The following EYS variants were observed in gnomAD, a reference collection of about 807,000 sequenced individuals.
The protein encoded by EYS is protein eyes shut homolog.
A neutral mutation model predicts 282.1 loss-of-function variants in EYS; 250 were observed. The observed-to-expected ratio is 0.89, with a 90% CI of 0.80 to 0.98. EYS has a LOEUF of 0.98. Among genes scored for constraint, EYS ranks in the 50% least tolerant of loss-of-function variants. The probability of loss-of-function intolerance (pLI) is 0.00; values close to 1 mark genes in which losing one functional copy is unlikely to be tolerated. For missense variants in EYS, 4,016 were observed against 3,709.0 expected (o/e 1.08, Z -2.15); for synonymous variants, 1,355 against 1,282.9 (o/e 1.06, Z -1.20).
At chr6:63,874,062 C>G (rs949216837) in intron 35 of EYS, among the ~76,000 whole-genome samples, 1 of 152,114 alleles carries the variant, frequency 6.6e-6, no homozygotes, top group Admixed American at 6.6e-5. Context: ...GTCATGAAGT[C>G]CTTGCCCATG....
chr6:64,792,362 C>A (rs1264187712), intron 22 of EYS, among the ~76,000 whole-genome samples: 2 of 151,788 alleles, frequency 1.3e-5, no homozygotes, highest in Non-Finnish European at 2.9e-5. Context: ...TTTTTTTAGA[C>A]ATTTATAAAT....
intron 26 of EYS, among the ~76,000 whole-genome samples, chr6:64,573,835 A>C (rs1765799601): frequency 6.6e-6 from 1 of 152,178 alleles, no homozygotes; most frequent in South Asian, 2.1e-4. Flanking sequence ...GTGGGCGTGT[A>C]AATTAGTTCA....
intron 26 of EYS, among the ~76,000 whole-genome samples, chr6:64,453,851 C>T (rs1024689484): frequency 6.6e-6 from 1 of 152,004 alleles, no homozygotes; most frequent in South Asian, 2.1e-4. Flanking sequence ...ACACCGGGGA[C>T]TGTTGTGGCG....
intron 31 of EYS, among the ~76,000 whole-genome samples, chr6:64,178,440 G>A (rs1212977153): frequency 6.6e-6 from 1 of 152,034 alleles, no homozygotes; most frequent in East Asian, 1.9e-4. Context: ...AGTTTGGGTT[G>A]CTTAAATACA....
chr6:64,213,343 C>A (rs1268852207), intron 31 of EYS, among the ~76,000 whole-genome samples: 1 of 152,082 alleles, frequency 6.6e-6, no homozygotes, highest in Non-Finnish European at 1.5e-5. Context: ...ATGAGCTCAA[C>A]TGAAAAAGTC....
At chr6:64,168,353 G>A (rs1339720469) in intron 31 of EYS, among the ~76,000 whole-genome samples, 2 of 152,208 alleles carry the variant, frequency 1.3e-5, no homozygotes, top group African/African-American at 4.8e-5. Context: ...CTTATTGAAT[G>A]CACAATGGTG....
chr6:64,843,306 T>C (rs2150036311), intron 19 of EYS, among the ~76,000 whole-genome samples: 1 of 152,216 alleles, frequency 6.6e-6, no homozygotes, highest in African/African-American at 2.4e-5. Flanking sequence ...GCCACTGTCC[T>C]CCAGACCCCA....
In EYS at chr6:64,481,808, A is replaced by T. The variant is rs111253156; in HGVS notation, c.5645-42456T>A. Among the ~76,000 whole-genome samples the T allele has an allele frequency of 2.2e-3, 331 of 151,788 alleles. 1 individual carries two copies. Among genetic ancestry groups the T allele is most frequent in the African/African-American group, 7.6e-3 (317 of 41,482 alleles). ...TTCAGTGTATGAGCTCAAAATTCCA[A>T]GCTATTTTAAAATACCTACTTTGTG... On this transcript the variant is annotated intron_variant, in intron 26 of 42. Coordinates refer to ENST00000503581, the MANE Select transcript of EYS (RefSeq NM_001142800.2).
At chr6:63,741,198 T>G (rs1769067286) in intron 41 of EYS, among the ~76,000 whole-genome samples, 1 of 152,316 alleles carries the variant, frequency 6.6e-6, no homozygotes, top group African/African-American at 2.4e-5. Flanking sequence ...TTACACAAAC[T>G]TCACTCATGA....
intron 19 of EYS, among the ~76,000 whole-genome samples, chr6:64,847,265 T>C (rs1358299398): frequency 6.6e-6 from 1 of 151,458 alleles, no homozygotes; most frequent in Admixed American, 6.8e-5. Flanking sequence ...CATCTCTGTG[T>C]GTATGTATAT....
intron 5 of EYS, among the ~76,000 whole-genome samples, chr6:65,481,406 C>T (rs1207645032): frequency 1.3e-5 from 2 of 152,146 alleles, no homozygotes; most frequent in Non-Finnish European, 2.9e-5. Context: ...AATTTACACT[C>T]TCATTTCTCA....
intron 26 of EYS, among the ~76,000 whole-genome samples, chr6:64,451,007 C>A (rs568426589): frequency 1.3e-5 from 2 of 151,782 alleles, no homozygotes; most frequent in African/African-American, 2.4e-5. Flanking sequence ...TAACTAAGAT[C>A]GAGCAGAACT....
chr6:64,479,694 C>T (rs1181453450), intron 26 of EYS, among the ~76,000 whole-genome samples: 1 of 151,902 alleles, frequency 6.6e-6, no homozygotes, highest in Admixed American at 6.6e-5. Flanking sequence ...TAAACTACTT[C>T]TCAACACTTT....
chr6:65,655,650 T>G (rs1164500415), intron 1 of EYS, among the ~76,000 whole-genome samples: 4 of 151,790 alleles, frequency 2.6e-5, no homozygotes, highest in Non-Finnish European at 4.4e-5. Context: ...ATGCTGTGTG[T>G]TTTTTTATTT....
chr6:63,999,628 G>A (rs1382023849), intron 33 of EYS, among the ~76,000 whole-genome samples: 1 of 152,170 alleles, frequency 6.6e-6, no homozygotes, highest in African/African-American at 2.4e-5. Context: ...AATGGAATAA[G>A]AAATGAAAGG....
intron 12 of EYS, among the ~76,000 whole-genome samples, chr6:65,104,508 T>G (rs1168345132): frequency 6.6e-6 from 1 of 151,502 alleles, no homozygotes; most frequent in East Asian, 1.9e-4. Context: ...TGAAAAGTTT[T>G]TAAAATGTAA....
intron 35 of EYS, among the ~76,000 whole-genome samples, chr6:63,970,163 C>T (rs1436641019): frequency 6.6e-6 from 1 of 152,220 alleles, no homozygotes; most frequent in Non-Finnish European, 1.5e-5. Context: ...CTGACACCTG[C>T]AGAATTGTTC....
Position 64,362,328 on chromosome 6 carries a change from T to C in EYS, c.6078+26362A>G, listed in dbSNP as rs563143504. ...ATTTTAATAGAAATTCATAAAATAA[T>C]GTTTAAAACACTAGAGTATACTTTC... On this transcript the variant is annotated intron_variant, in intron 29 of 42. Coordinates refer to ENST00000503581, the MANE Select transcript of EYS (RefSeq NM_001142800.2). Among the ~76,000 whole-genome samples, 794 of 151,952 alleles carry C rather than the reference T, an allele frequency of 5.2e-3. 2 individuals are homozygous for C. The highest frequency in any genetic ancestry group is 8.5e-3 in the Non-Finnish European group (578 of 67,834).
intron 28 of EYS, among the ~76,000 whole-genome samples, chr6:64,414,411 C>T (rs1281422671): frequency 6.6e-6 from 1 of 151,988 alleles, no homozygotes; most frequent in Non-Finnish European, 1.5e-5. Flanking sequence ...TGTCACTTTC[C>T]AGGCAGCCTT....
Sources: allele counts gnomAD v4.1 joint callset (sites outside exome capture counted in the v4.1 genomes callset), GRCh38; gene constraint gnomAD v4.1.1; transcripts MANE v1.5; gene names NCBI Gene and HGNC (gene_info 2026-07-23, HGNC 2026-07-21).